Variants in BMP1 observed in about 807,000 individuals in gnomAD.
BMP1 encodes mammalian tolloid protein.
A neutral mutation model predicts 116.8 loss-of-function variants in BMP1; 63 were observed. That is an observed-to-expected ratio of 0.54 (90% CI 0.44 to 0.67). BMP1 has a LOEUF of 0.67. BMP1 is among the 30% of genes least tolerant of loss of function. The pLI, the probability that BMP1 is intolerant of heterozygous loss-of-function variation, is 0.00. For missense variants in BMP1, 1,183 were observed against 1,358.9 expected, an observed-to-expected ratio of 0.87 and a Z score of 2.04; for synonymous variants, 536 against 533.4, an observed-to-expected ratio of 1.00 and a Z score of -0.07.
chr8:22,192,860 G>T (rs919545467), intron 9 of BMP1, among the ~76,000 whole-genome samples: 34 of 152,338 alleles, frequency 2.2e-4, no homozygotes, highest in Non-Finnish European at 4.4e-4. Flanking sequence ...ATCGTAAGGA[G>T]CTCAGGACCA....
At chr8:22,185,225 G>A (rs976921916) in intron 8 of BMP1, among the ~76,000 whole-genome samples, 1 of 152,150 alleles carries the variant, frequency 6.6e-6, no homozygotes, top group African/African-American at 2.4e-5. Flanking sequence ...GTCGAGGCGG[G>A]TGGATCACTT....
chr8:22,175,936 G>A (rs1828417355), intron 2 of BMP1, among the ~76,000 whole-genome samples: 1 of 152,234 alleles, frequency 6.6e-6, no homozygotes, highest in African/African-American at 2.4e-5. Context: ...GAACATGCAT[G>A]TTGGGTGACT....
In BMP1 at chr8:22,207,120, C is replaced by A. The variant is rs1360712520; in HGVS notation, c.2361+139C>A. On this transcript the variant is annotated intron_variant, in intron 17 of 19. Coordinates refer to ENST00000306385, the MANE Select transcript of BMP1 (RefSeq NM_006129.5). ...CCCAAGTCTGGCCTGGACAGAGGCCCCTTTCCCAGTATAAATTAGGGGCGT... is the reference window on the plus strand; with the variant it reads ...CCCAAGTCTGGCCTGGACAGAGGCCACTTTCCCAGTATAAATTAGGGGCGT... The A allele has an allele frequency of 2.8e-6, 4 of 1,438,856 alleles. No homozygotes were observed. In the African/African-American group the frequency reaches 4.3e-5, roughly 15 times the overall value. 89.1% of individuals were successfully genotyped at this position (1,438,856 alleles called of 1,614,324 possible).
intron 8 of BMP1, among the ~76,000 whole-genome samples, chr8:22,190,454 A>G (rs1025634128): frequency 6.6e-6 from 1 of 152,182 alleles, no homozygotes; most frequent in African/African-American, 2.4e-5. Flanking sequence ...AGTGATGAGA[A>G]CTGACGGAAA....
Position 22,176,165 on chromosome 8 carries a change from C to A in BMP1, c.285C>A (p.Pro95=), listed in dbSNP as rs1203646799. ...CAGTTCCAGGAAACACTTCTACCCC[C>A]AGCTGCCAGAGCACCAACGGGCAGC... ...KAAVPGNTST[P]SCQSTNGQPQ... is the part of the protein sequence containing the mutation. Residue 95 remains proline, a synonymous_variant, in exon 3 of 20, where the codon CCC becomes CCA. Coordinates refer to ENST00000306385, the MANE Select transcript of BMP1 (RefSeq NM_006129.5). The A allele has an allele frequency of 3.1e-6, 5 of 1,614,074 alleles. No individual in the cohort carries two copies. In the African/African-American group the frequency reaches 6.7e-5, roughly 22 times the overall value.
At chr8:22,207,979 G>A (rs1829395614) in intron 18 of BMP1, among the ~76,000 whole-genome samples, 1 of 152,080 alleles carries the variant, frequency 6.6e-6, no homozygotes, top group Non-Finnish European at 1.5e-5. Flanking sequence ...CACTTCCTGG[G>A]TTCAAGCGAT....
Position 22,195,587 on chromosome 8 carries a change from G to A in BMP1, c.1765G>A (p.Ala589Thr), listed in dbSNP as rs1313809567. 4 of 1,611,642 alleles carry A rather than the reference G, an allele frequency of 2.5e-6. No homozygotes were observed. The highest frequency in any genetic ancestry group is 1.3e-5 in the African/African-American group (1 of 74,836). ...GGCCCCAGACAAGCGCCGCTGTGAG[G>A]GTGAGTGCCCCCAGACTGCCTCTGA... ...ELAPDKRRCE[A>T]ACGGFLTKLN... Residue 589 changes from alanine to threonine, a missense_variant and splice_region_variant, in exon 13 of 20, where the codon GCT becomes ACT. Ala to Thr is a moderately conservative substitution (Grantham distance 58). Transcript: ENST00000306385.
chr8:22,173,465 C>T (rs537352826), intron 1 of BMP1, 137 bp from the exon 2 acceptor site: 15 of 578,082 alleles, frequency 2.6e-5, no homozygotes, highest in Non-Finnish European at 3.7e-5. Flanking sequence ...TTCTCCTTCT[C>T]GTTCAGATGG....
At chr8:22,205,607 T>C (rs1829338437) in intron 16 of BMP1, among the ~76,000 whole-genome samples, 1 of 151,948 alleles carries the variant, frequency 6.6e-6, no homozygotes, top group Non-Finnish European at 1.5e-5. Context: ...AGACCCCATC[T>C]CTACAACAAG....
chr8:22,206,984 A>T lies in BMP1; in HGVS notation c.2361+3A>T. The T allele has an allele frequency of 1.2e-6, 2 of 1,614,046 alleles. No homozygotes were observed. The highest frequency in any genetic ancestry group is 1.7e-6 in the Non-Finnish European group (2 of 1,179,946). ...CCCCCGGGCACCGGGTCAAGCTGGT[A>T]AGGGGTCCCCTCCCCACTCCTTATG... is the stretch of plus-strand genomic sequence containing the variant. On this transcript the variant is annotated splice_donor_region_variant and intron_variant, in intron 17 of 19. Transcript: ENST00000306385.
intron 4 of BMP1, 142 bp downstream of exon 4, chr8:22,176,792 C>T: frequency 1.9e-6 from 2 of 1,048,968 alleles, no homozygotes; most frequent in South Asian, 1.4e-5. Context: ...CCAGGAACTG[C>T]CCCCTGTGCG....
intron 5 of BMP1, 74 bp downstream of exon 5, chr8:22,177,213 G>A (rs1313864501): frequency 1.2e-5 from 17 of 1,433,426 alleles, no homozygotes; most frequent in Non-Finnish European, 1.5e-5. Context: ...ACCCCTGGGG[G>A]CAGTGGCAGC....
At chr8:22,182,714 G>C (rs1563250912) in intron 8 of BMP1, among the ~76,000 whole-genome samples, 1 of 152,128 alleles carries the variant, frequency 6.6e-6, no homozygotes, top group Non-Finnish European at 1.5e-5. Flanking sequence ...TGTTTCACTG[G>C]GGATTGACGT....
At chr8:22,168,026 C>T (rs1490828308) in intron 1 of BMP1, among the ~76,000 whole-genome samples, 1 of 152,182 alleles carries the variant, frequency 6.6e-6, no homozygotes, top group African/African-American at 2.4e-5. Context: ...GAACTGAAAG[C>T]TCCTTTGACT....
chr8:22,169,251 T>C (rs113534010), intron 1 of BMP1: 2 of 148,648 alleles, frequency 1.3e-5, no homozygotes, highest in African/African-American at 5.0e-5. Flanking sequence ...GTCGGGGGAG[T>C]AGAAGCGCTA....
chr8:22,192,651 CCCGA>C (rs1242538534), intron 9 of BMP1, among the ~76,000 whole-genome samples: 12 of 152,208 alleles, frequency 7.9e-5, no homozygotes, highest in Admixed American at 7.9e-4. Flanking sequence ...GGCGCCGTGG[CCCGA>C]CCTTGTCTGC....
At chr8:22,208,014 G>A (rs1442550528) in intron 18 of BMP1, among the ~76,000 whole-genome samples, 2 of 152,130 alleles carry the variant, frequency 1.3e-5, no homozygotes, top group African/African-American at 4.8e-5. Flanking sequence ...CTCCCGTGTA[G>A]CTGGGATTAC....
intron 19 of BMP1, among the ~76,000 whole-genome samples, chr8:22,210,784 G>A (rs574697621): frequency 6.6e-6 from 1 of 152,282 alleles, no homozygotes; most frequent in Admixed American, 6.5e-5. Context: ...TCTTTCTTCT[G>A]AATCACACAC....
chr8:22,185,252 G>A (rs1353342751), intron 8 of BMP1, among the ~76,000 whole-genome samples: 2 of 152,078 alleles, frequency 1.3e-5, no homozygotes, highest in Non-Finnish European at 2.9e-5. Flanking sequence ...AGGGGTTTGA[G>A]ACCAGCCTGG....
Sources: allele counts gnomAD v4.1 joint callset (sites outside exome capture counted in the v4.1 genomes callset), GRCh38; gene constraint gnomAD v4.1.1; transcripts MANE v1.5; gene names NCBI Gene and HGNC (gene_info 2026-07-23, HGNC 2026-07-21).